LARGE1: variants seen among roughly 807,000 people sequenced by gnomAD.
LARGE1 encodes xylosyl- and glucuronyltransferase LARGE1.
In LARGE1, 43 loss-of-function variants were observed where a neutral mutation model predicts 87.6. The observed-to-expected ratio is 0.49, with a 90% confidence interval of 0.38 to 0.63. LARGE1 has a LOEUF of 0.63. Among genes scored for constraint, LARGE1 ranks in the 30% least tolerant of loss-of-function variants. The pLI is 0.00. For synonymous variants in LARGE1, 434 were observed against 394.6 expected, an observed-to-expected ratio of 1.10 and a Z score of -1.18; for missense variants, 802 against 1,000.2, an observed-to-expected ratio of 0.80 and a Z score of 2.67.
At chr22:33,242,740 C>T (rs570940495) in intron 11 of LARGE1, among the ~76,000 whole-genome samples, 4 of 152,302 alleles carry the variant, frequency 2.6e-5, no homozygotes, top group East Asian at 3.9e-4. Flanking sequence ...CAAAGTACCA[C>T]AACTGGTGGC....
intron 4 of LARGE1, among the ~76,000 whole-genome samples, chr22:33,606,591 C>T (rs1437440314): frequency 1.3e-5 from 2 of 152,052 alleles, no homozygotes; most frequent in Non-Finnish European, 2.9e-5. Context: ...CCCCCTACCC[C>T]GTGCTCTCTC....
chr22:33,867,326 C>T (rs1380389906), intron 1 of LARGE1, among the ~76,000 whole-genome samples: 2 of 152,172 alleles, frequency 1.3e-5, no homozygotes, highest in Non-Finnish European at 2.9e-5. Flanking sequence ...CACACATGCC[C>T]TCTGCCTTCT....
chr22:33,128,125 A>G, the LARGE1 span, among the ~76,000 whole-genome samples: 4 of 152,028 alleles, frequency 2.6e-5, no homozygotes, highest in African/African-American at 4.8e-5. Flanking sequence ...GCTAGCTTTG[A>G]TGAGGCTGCA....
chr22:33,161,550 A>G (rs947132010), downstream of LARGE1, among the ~76,000 whole-genome samples: 1 of 152,242 alleles, frequency 6.6e-6, no homozygotes, highest in South Asian at 2.1e-4. Context: ...GGGTAAATAC[A>G]TCTGCTCCAA....
the LARGE1 span, among the ~76,000 whole-genome samples, chr22:33,077,380 C>T: frequency 6.6e-6 from 1 of 152,122 alleles, no homozygotes; most frequent in Non-Finnish European, 1.5e-5. Context: ...CAGATTTAAA[C>T]CTAGGCTGTT....
chr22:33,827,812 C>A (rs1470127145), intron 1 of LARGE1, among the ~76,000 whole-genome samples: 1 of 152,148 alleles, frequency 6.6e-6, no homozygotes, highest in Non-Finnish European at 1.5e-5. Flanking sequence ...TTTGTTCAAA[C>A]AGATTGCTGC....
intron 9 of LARGE1, among the ~76,000 whole-genome samples, chr22:33,365,829 TG>T (rs1377132230): frequency 6.6e-6 from 1 of 152,188 alleles, no homozygotes; most frequent in Non-Finnish European, 1.5e-5. Context: ...TTGGCCAGGC[TG>T]GTATCGAACT....
chr22:33,110,156 A>G, the LARGE1 span, among the ~76,000 whole-genome samples: 1 of 152,186 alleles, frequency 6.6e-6, no homozygotes, highest in Non-Finnish European at 1.5e-5. Context: ...ATTGATGCTC[A>G]GAGGAGTTAA....
At chr22:33,155,479 C>T in the LARGE1 span, among the ~76,000 whole-genome samples, 1 of 152,150 alleles carries the variant, frequency 6.6e-6, no homozygotes, top group Admixed American at 6.5e-5. Flanking sequence ...CATTTTGCCC[C>T]TTTCCTAGAG....
chr22:33,200,012 C>T (rs940393351), intron 11 of LARGE1, among the ~76,000 whole-genome samples: 1 of 151,882 alleles, frequency 6.6e-6, no homozygotes, highest in Admixed American at 6.6e-5. Context: ...CCACACCTGG[C>T]TAATTTTTGT....
intron 1 of LARGE1, among the ~76,000 whole-genome samples, chr22:33,792,714 T>G (rs1442170968): frequency 6.6e-6 from 1 of 152,112 alleles, no homozygotes; most frequent in Non-Finnish European, 1.5e-5. Context: ...AAACACAAGT[T>G]TTGAAACTCT....
intron 6 of LARGE1, among the ~76,000 whole-genome samples, chr22:33,472,572 T>G (rs1238285149): frequency 6.6e-6 from 1 of 152,196 alleles, no homozygotes; most frequent in Non-Finnish European, 1.5e-5. Flanking sequence ...ATCAACATTC[T>G]GCACTCTACA....
the LARGE1 span, among the ~76,000 whole-genome samples, chr22:33,088,185 C>A: frequency 1.3e-5 from 2 of 152,064 alleles, no homozygotes; most frequent in African/African-American, 4.8e-5. Flanking sequence ...GGATCAATTA[C>A]ACAGAGATGA....
chr22:33,594,298 C>A (rs2078920271), intron 5 of LARGE1, among the ~76,000 whole-genome samples: 1 of 152,058 alleles, frequency 6.6e-6, no homozygotes, highest in Non-Finnish European at 1.5e-5. Flanking sequence ...ATCTAGAGCC[C>A]ATAGTTTTCA....
chr22:33,100,168 T>C, the LARGE1 span, among the ~76,000 whole-genome samples: 38 of 151,428 alleles, frequency 2.5e-4, no homozygotes, highest in Non-Finnish European at 5.2e-4. Flanking sequence ...AAACCCTGTC[T>C]CTACTAAAAC....
chr22:33,875,722 G>C (rs2015714066), intron 1 of LARGE1, among the ~76,000 whole-genome samples: 1 of 152,320 alleles, frequency 6.6e-6, no homozygotes, highest in Non-Finnish European at 1.5e-5. Flanking sequence ...CGTTTAATTG[G>C]AAGTTTCCCT....
chr22:33,495,977 T>C (rs2070096769), intron 6 of LARGE1, among the ~76,000 whole-genome samples: 1 of 152,166 alleles, frequency 6.6e-6, no homozygotes, highest in African/African-American at 2.4e-5. Flanking sequence ...GATGCTTCTA[T>C]AAAGGGAAGT....
chr22:33,359,773 C>G (rs1466671590), intron 9 of LARGE1, among the ~76,000 whole-genome samples: 1 of 148,726 alleles, frequency 6.7e-6, no homozygotes, highest in African/African-American at 2.5e-5. Context: ...ACTGTGTTAG[C>G]CAGGATGGTC....
intron 11 of LARGE1, among the ~76,000 whole-genome samples, chr22:33,242,197 C>A (rs1399205556): frequency 6.6e-6 from 1 of 152,050 alleles, no homozygotes; most frequent in Admixed American, 6.6e-5. Context: ...TCAGTATGTT[C>A]ATAGAATACT....
Sources: gnomAD v4.1 joint callset for allele counts (sites outside exome capture counted in the v4.1 genomes callset) on GRCh38, gnomAD v4.1.1 for gene constraint, MANE v1.5 for transcripts, NCBI Gene and HGNC (gene_info 2026-07-23, HGNC 2026-07-21) for gene names.